CAPN3: variants seen among roughly 807,000 people sequenced by gnomAD.
CAPN3 encodes calpain-3.
CAPN3 carries 88 observed loss-of-function variants against 114.0 expected under a neutral mutation model. The observed-to-expected ratio is 0.77, with a 90% CI of 0.65 to 0.92. The LOEUF (loss-of-function observed/expected upper bound fraction) is 0.92, where lower values mean the gene tolerates loss of function less well. CAPN3 is among the 40% of genes least tolerant of loss of function. The probability of loss-of-function intolerance (pLI) is 0.00; values close to 1 mark genes in which losing one functional copy is unlikely to be tolerated. For synonymous variants in CAPN3, 386 were observed against 382.9 expected, an observed-to-expected ratio of 1.01 and a Z score of -0.09; for missense variants, 1,028 against 1,069.0, an observed-to-expected ratio of 0.96 and a Z score of 0.53.
intron 19 of CAPN3, 32 bp downstream of exon 19, chr15:42,410,027 T>C (rs1416851424): frequency 6.2e-7 from 1 of 1,604,278 alleles, no homozygotes; most frequent in African/African-American, 1.3e-5. Context: ...CCCGACCCTC[T>C]GTCATCAGCC....
chr15:42,362,095 C>A (rs890549748), intron 1 of CAPN3, among the ~76,000 whole-genome samples: 1 of 152,170 alleles, frequency 6.6e-6, no homozygotes, highest in Non-Finnish European at 1.5e-5. Context: ...GATAGGCCTG[C>A]GTTCCCAGGC....
At chr15:42,380,748 TA>T (rs1444102353) in intron 1 of CAPN3, among the ~76,000 whole-genome samples, 4,177 of 57,672 alleles carry the variant, frequency 0.072, 87 homozygotes, top group South Asian at 0.15. Context: ...TATATATATA[TA>T]TATTTTTTTT....
chr15:42,388,006 T>C, intron 4 of CAPN3, 120 bp downstream of exon 4: 1 of 1,213,768 alleles, frequency 8.2e-7, no homozygotes, highest in South Asian at 1.2e-5. Context: ...TGTGTGGGCA[T>C]GCAAGTCCAA....
At chr15:42,399,814 A>G (rs1005376071) in intron 10 of CAPN3, among the ~76,000 whole-genome samples, 162 bp downstream of exon 10, 4 of 152,216 alleles carry the variant, frequency 2.6e-5, no homozygotes, top group Admixed American at 1.3e-4. Flanking sequence ...GAAGTTTGCA[A>G]TAGGGAGCTG....
In CAPN3 at chr15:42,403,600, TG is replaced by T. The variant is rs375208696; in HGVS notation, c.1746-137del. 64 of 791,630 alleles carry T rather than the reference TG, an allele frequency of 8.1e-5. No individual in the cohort carries two copies. In the African/African-American group the frequency reaches 1.0e-3, roughly 12 times the overall value. The allele number at this position is 791,630 out of a possible 1,614,324, so 49.0% of individuals were successfully genotyped here. A position where few individuals can be genotyped will look rare whatever the true frequency, so the allele number is the denominator to read the frequency against. On this transcript the variant is annotated intron_variant, in intron 13 of 23. Coordinates refer to ENST00000397163, the MANE Select transcript of CAPN3 (RefSeq NM_000070.3). ...ATGGTGCTGACATGGGGCTGGTTCC[TG>T]GGGTTGGGGTGTTCCAGGGGTTCTC...
At chr15:42,404,894 A>G (rs2053975238) in intron 14 of CAPN3, 2 of 1,036,038 alleles carry the variant, frequency 1.9e-6, no homozygotes, top group African/African-American at 1.7e-5. Flanking sequence ...GATGCTGGTC[A>G]TCGGTGTGCA....
intron 1 of CAPN3, among the ~76,000 whole-genome samples, chr15:42,369,643 G>A (rs1035539579): frequency 5.3e-5 from 8 of 151,970 alleles, no homozygotes; most frequent in Admixed American, 1.3e-4. Context: ...ATCATTTCAC[G>A]TTGCTCCATT....
At chr15:42,390,981 C>T (rs1261598750) in intron 6 of CAPN3, among the ~76,000 whole-genome samples, 5 of 151,546 alleles carry the variant, frequency 3.3e-5, no homozygotes, top group South Asian at 2.1e-4. Flanking sequence ...TTAGTAGAGA[C>T]GGGGTTTCAC....
chr15:42,405,246 TA>T (rs1198531448), intron 14 of CAPN3, among the ~76,000 whole-genome samples: 1 of 152,224 alleles, frequency 6.6e-6, no homozygotes, highest in East Asian at 1.9e-4. Context: ...AATCCATTGT[TA>T]GGTCAGTTTG....
At chr15:42,411,430 C>A in intron 23 of CAPN3, 85 bp downstream of exon 23, 1 of 1,210,958 alleles carries the variant, frequency 8.3e-7, no homozygotes, top group South Asian at 1.2e-5. Flanking sequence ...CCAGGGTGTG[C>A]TCCTCATTTC....
chr15:42,396,351 T>C (rs909945870), intron 8 of CAPN3, among the ~76,000 whole-genome samples: 5 of 152,092 alleles, frequency 3.3e-5, no homozygotes, highest in African/African-American at 1.2e-4. Context: ...CAAGTGATTC[T>C]TCTGCCTTAG....
At chr15:42,392,793 G>T in intron 7 of CAPN3, 71 bp downstream of exon 7, 2 of 1,328,124 alleles carry the variant, frequency 1.5e-6, no homozygotes, top group Non-Finnish European at 2.1e-6. Context: ...GGACTTAGCT[G>T]TTGGGGCCCC....
intron 23 of CAPN3, 57 bp from the exon 24 acceptor site, chr15:42,411,690 G>GGGT: frequency 5.4e-6 from 1 of 184,448 alleles, no homozygotes; most frequent in Non-Finnish European, 7.9e-6. Flanking sequence ...TCCTAGGGCG[G>GGGT]GGGGGGGGGG....
chr15:42,393,617 G>T (rs1311642103), intron 7 of CAPN3, among the ~76,000 whole-genome samples: 12 of 145,470 alleles, frequency 8.2e-5, no homozygotes, highest in Non-Finnish European at 9.0e-5. Flanking sequence ...TTTTTGAGAC[G>T]GAGTCTCACT....
At chr15:42,388,035 G>C (rs762672140) in intron 4 of CAPN3, 149 bp downstream of exon 4, 2 of 870,760 alleles carry the variant, frequency 2.3e-6, no homozygotes, top group South Asian at 2.8e-5. Context: ...CAAAGTTAGA[G>C]ATCAGTTCCA....
chr15:42,412,103 C>T lies in CAPN3; in HGVS notation c.*330C>T. 2 of 1,535,586 alleles carry T rather than the reference C, an allele frequency of 1.3e-6. No homozygotes were observed. The highest frequency in any genetic ancestry group is 1.7e-6 in the Non-Finnish European group (2 of 1,146,784). ...TGCTCTAGGCTGTCTGCAGAAGCAC[C>T]TGCCGGTGGCACTCAGCACCTCCTT... On this transcript the variant is annotated 3_prime_UTR_variant, in exon 24 of 24. Transcript: ENST00000397163.
At chr15:42,376,577 C>G (rs1251346624) in intron 1 of CAPN3, among the ~76,000 whole-genome samples, 1 of 148,604 alleles carries the variant, frequency 6.7e-6, no homozygotes, top group East Asian at 2.0e-4. Flanking sequence ...TGAGCACTTT[C>G]TTACTTTCTG....
intron 8 of CAPN3, 30 bp from the exon 9 acceptor site, chr15:42,396,770 G>T: frequency 6.3e-7 from 1 of 1,578,050 alleles, no homozygotes; most frequent in African/African-American, 1.3e-5. Flanking sequence ...CCTTCTTCCT[G>T]CTTCCTTAAT....
At position 42,389,109 on chromosome 15, in the gene CAPN3, T is replaced by G. The variant is rs759835353; in HGVS notation, c.801+13T>G. The G allele has an allele frequency of 6.2e-6, 10 of 1,613,524 alleles. No individual in the cohort carries two copies. Among genetic ancestry groups the G allele is most frequent in the Non-Finnish European group, 8.5e-6 (10 of 1,179,738 alleles). ...CTGCTCCATTGATGTAAGTCTGGGG[T>G]GTGGGGCACAGGGTGGGGAGCTCCA... On this transcript the variant is annotated intron_variant, in intron 5 of 23. Transcript: ENST00000397163.
Sources: allele counts gnomAD v4.1 joint callset (sites outside exome capture counted in the v4.1 genomes callset), GRCh38; gene constraint gnomAD v4.1.1; transcripts MANE v1.5; gene names NCBI Gene and HGNC (gene_info 2026-07-23, HGNC 2026-07-21).